Variants in RABGAP1 observed in about 807,000 individuals in gnomAD.
RABGAP1 encodes RAB GTPase activating protein 1, also known as rab GTPase-activating protein 1.
A neutral mutation model predicts 137.6 loss-of-function variants in RABGAP1; 23 were observed. The ratio of observed to expected loss-of-function variants is 0.17; its 90% CI spans 0.12 to 0.24. The LOEUF (loss-of-function observed/expected upper bound fraction) is 0.24, where lower values mean the gene tolerates loss of function less well. Among genes scored for constraint, RABGAP1 ranks in the 10% least tolerant of loss-of-function variants. RABGAP1 has a pLI of 1.00. For synonymous variants in RABGAP1, 451 were observed against 450.7 expected, an observed-to-expected ratio of 1.00 and a Z score of -0.01; for missense variants, 906 against 1,275.8, an observed-to-expected ratio of 0.71 and a Z score of 4.42.
chr9:123,000,435 G>A (rs1249246815), intron 10 of RABGAP1, among the ~76,000 whole-genome samples: 1 of 151,988 alleles, frequency 6.6e-6, no homozygotes, highest in Non-Finnish European at 1.5e-5. Context: ...AGATATCAAG[G>A]TCACCACTGA....
intron 13 of RABGAP1, among the ~76,000 whole-genome samples, chr9:123,031,910 G>A (rs113067634): frequency 6.6e-6 from 1 of 152,204 alleles, no homozygotes; most frequent in Admixed American, 6.5e-5. Context: ...CCTAGGCAGA[G>A]AAATTATTTA....
chr9:123,085,747 T>C (rs577219657), intron 19 of RABGAP1, among the ~76,000 whole-genome samples: 2 of 152,350 alleles, frequency 1.3e-5, no homozygotes, highest in African/African-American at 4.8e-5. Context: ...TTCATTCTTA[T>C]TGTGTGAAAC....
At chr9:122,941,268 G>C (rs535968182) in intron 1 of RABGAP1, among the ~76,000 whole-genome samples, 175 bp downstream of exon 1, 1 of 152,348 alleles carries the variant, frequency 6.6e-6, no homozygotes, top group East Asian at 1.9e-4. Flanking sequence ...CGTGATTGGG[G>C]GGAGGGGGAA....
At chr9:122,990,346 G>A in intron 6 of RABGAP1, 133 bp downstream of exon 6, 2 of 718,814 alleles carry the variant, frequency 2.8e-6, no homozygotes, top group South Asian at 3.1e-5. Context: ...GGATGATAAA[G>A]GCATATAAAT....
chr9:123,010,207 ACAT>A (rs1205162824), intron 10 of RABGAP1, 144 bp from the exon 11 acceptor site: 6 of 681,104 alleles, frequency 8.8e-6, no homozygotes, highest in Non-Finnish European at 1.4e-5. Flanking sequence ...ACTCAAAAAA[ACAT>A]CATTTATTTT....
At chr9:122,988,103 C>T (rs2131765188) in intron 4 of RABGAP1, among the ~76,000 whole-genome samples, 1 of 152,250 alleles carries the variant, frequency 6.6e-6, no homozygotes, top group East Asian at 1.9e-4. Context: ...GTGTTTAGCA[C>T]TCATTTCTAT....
At chr9:123,005,758 G>A (rs1036925550) in intron 10 of RABGAP1, among the ~76,000 whole-genome samples, 3 of 152,096 alleles carry the variant, frequency 2.0e-5, no homozygotes, top group Non-Finnish European at 4.4e-5. Flanking sequence ...TTATGAAAGT[G>A]CATCTTAGAA....
intron 6 of RABGAP1, among the ~76,000 whole-genome samples, chr9:122,991,551 T>C (rs1836720494): frequency 6.6e-6 from 1 of 151,760 alleles, no homozygotes; most frequent in South Asian, 2.1e-4. Flanking sequence ...GAGTAAAGTA[T>C]GACTCATTGT....
At chr9:123,086,632 G>A (rs987771712) in intron 19 of RABGAP1, among the ~76,000 whole-genome samples, 2 of 146,428 alleles carry the variant, frequency 1.4e-5, no homozygotes, top group African/African-American at 5.0e-5. Context: ...AGCATCAGCC[G>A]TGAACCCATG....
chr9:122,990,792 AAAAAATATATATATATATATATAT>A (rs1836662703), intron 6 of RABGAP1: 1 of 48,494 alleles, frequency 2.1e-5, no homozygotes, highest in African/African-American at 7.5e-5. Flanking sequence ...AAAAAAAAAA[AAAAAATATATATATATATATATAT>A]ATATATATAT....
chr9:122,978,904 CTTTA>C (rs1349361058), intron 2 of RABGAP1, among the ~76,000 whole-genome samples: 1 of 38,556 alleles, frequency 2.6e-5, no homozygotes, highest in African/African-American at 6.0e-5. Context: ...TTTTATTTTA[CTTTA>C]TTTTATTTTA....
At chr9:123,098,592 G>T in intron 22 of RABGAP1, 123 bp from the exon 23 acceptor site, 1 of 682,044 alleles carries the variant, frequency 1.5e-6, no homozygotes, top group South Asian at 2.0e-5. Flanking sequence ...GAAAGTAGCT[G>T]AATTAGAGGA....
intron 14 of RABGAP1, 54 bp downstream of exon 14, chr9:123,065,515 G>A: frequency 8.0e-7 from 1 of 1,253,892 alleles, no homozygotes; most frequent in Non-Finnish European, 1.2e-6. Context: ...GTTCTACTTT[G>A]AAATTACATA....
intron 2 of RABGAP1, 125 bp downstream of exon 2, chr9:122,957,334 T>A: frequency 1.4e-6 from 1 of 727,848 alleles, no homozygotes; most frequent in Non-Finnish European, 2.0e-6. Context: ...TCTTTTTCTT[T>A]AAAGAATTTT....
At chr9:122,943,729 G>A (rs1252555739) in intron 1 of RABGAP1, among the ~76,000 whole-genome samples, 3 of 152,118 alleles carry the variant, frequency 2.0e-5, no homozygotes, top group Non-Finnish European at 2.9e-5. Context: ...CAAGGCAGGC[G>A]GATAACAAGG....
chr9:123,004,492 C>T (rs2030031703), intron 10 of RABGAP1, among the ~76,000 whole-genome samples: 2 of 151,820 alleles, frequency 1.3e-5, no homozygotes, highest in East Asian at 3.9e-4. Context: ...ACCATGTTGC[C>T]CAGGCTGGTC....
chr9:123,063,870 T>A (rs576868478), intron 13 of RABGAP1, among the ~76,000 whole-genome samples: 1 of 152,348 alleles, frequency 6.6e-6, no homozygotes, highest in East Asian at 1.9e-4. Flanking sequence ...GTAAGATTTT[T>A]AAATTTTGAT....
chr9:123,083,806 G>C (rs1194567652), intron 19 of RABGAP1, among the ~76,000 whole-genome samples: 1 of 152,178 alleles, frequency 6.6e-6, no homozygotes, highest in Non-Finnish European at 1.5e-5. Context: ...ATAAGATGAT[G>C]CCTTTAAAGT....
chr9:123,042,092 A>G (rs2032980785), intron 13 of RABGAP1, among the ~76,000 whole-genome samples: 1 of 152,218 alleles, frequency 6.6e-6, no homozygotes, highest in Admixed American at 6.5e-5. Flanking sequence ...CTTTGTTGCA[A>G]ACATGACTGC....
Sources: allele counts gnomAD v4.1 joint callset (sites outside exome capture counted in the v4.1 genomes callset), GRCh38; gene constraint gnomAD v4.1.1; transcripts MANE v1.5; gene names NCBI Gene and HGNC (gene_info 2026-07-23, HGNC 2026-07-21).